SLCO1B3: variants seen among roughly 807,000 people sequenced by gnomAD.
SLCO1B3 encodes liver-specific organic anion transporter 2.
In SLCO1B3, 72 loss-of-function variants were observed where a neutral mutation model predicts 71.8. That is an observed-to-expected ratio of 1.00 (90% confidence interval 0.83 to 1.22). The LOEUF is 1.22. SLCO1B3 is among the 50% of genes most tolerant of loss of function. The probability of loss-of-function intolerance (pLI) is 0.00; values close to 1 mark genes in which losing one functional copy is unlikely to be tolerated. For missense variants in SLCO1B3, 911 were observed against 819.7 expected (o/e 1.11, Z -1.36); for synonymous variants, 298 against 278.4 (o/e 1.07, Z -0.70).
At chr12:20,908,740 C>A (rs1866306359) in intron 15 of SLCO1B3, among the ~76,000 whole-genome samples, 1 of 152,090 alleles carries the variant, frequency 6.6e-6, no homozygotes, top group Non-Finnish European at 1.5e-5. Context: ...TAGCACTGAA[C>A]AATAATTGAT....
chr12:20,857,685 G>C (rs1865169206), intron 4 of SLCO1B3, among the ~76,000 whole-genome samples: 1 of 151,750 alleles, frequency 6.6e-6, no homozygotes, highest in Non-Finnish European at 1.5e-5. Context: ...TATTGTTTAA[G>C]TATTTATTCT....
intron 13 of SLCO1B3, among the ~76,000 whole-genome samples, chr12:20,884,674 A>G (rs973741114): frequency 6.6e-6 from 1 of 151,986 alleles, no homozygotes; most frequent in Non-Finnish European, 1.5e-5. Context: ...TTAAAAATAT[A>G]CATGATAAGT....
At chr12:20,905,892 C>G (rs1294065575) in intron 15 of SLCO1B3, among the ~76,000 whole-genome samples, 1 of 152,186 alleles carries the variant, frequency 6.6e-6, no homozygotes, top group African/African-American at 2.4e-5. Context: ...GTGTCCCACT[C>G]CCAGTACCAA....
In SLCO1B3 at chr12:20,879,537, C is replaced by G. The variant is rs577433244; in HGVS notation, c.1237C>G (p.Leu413Val). Residue 413 changes from leucine (L) to valine (V), a missense_variant, in exon 11 of 16, where the codon CTT (leucine) becomes GTT (valine). Transcript: ENST00000381545. ...SLVGIAKFSF[L>V]TSMISFLFQL... The stretch of plus-strand genomic sequence containing the variant: ...AGTTGGAATTGCCAAATTTTCATTT[C>G]TTACTTCGATGATATCCTTCTTGTT... The G allele has an allele frequency of 6.2e-7, 1 of 1,611,992 alleles. No homozygotes were observed. Among genetic ancestry groups the G allele is most frequent in the South Asian group, 1.1e-5 (1 of 90,974 alleles).
chr12:20,835,864 A>G (rs746765405), intron 3 of SLCO1B3, among the ~76,000 whole-genome samples: 1 of 152,136 alleles, frequency 6.6e-6, no homozygotes, highest in Non-Finnish European at 1.5e-5. Flanking sequence ...TCCTGTAGCA[A>G]TGCCCCTCAG....
intron 8 of SLCO1B3, among the ~76,000 whole-genome samples, chr12:20,863,656 A>T (rs1051636068): frequency 2.6e-5 from 4 of 152,116 alleles, no homozygotes; most frequent in Non-Finnish European, 5.9e-5. Context: ...CAGCAAACAC[A>T]CTGAAGTCTC....
chr12:20,843,561 A>T (rs1030146015), intron 3 of SLCO1B3, among the ~76,000 whole-genome samples: 1 of 152,066 alleles, frequency 6.6e-6, no homozygotes, highest in Non-Finnish European at 1.5e-5. Context: ...TGGGTGGATC[A>T]CAAGATCAGG....
intron 15 of SLCO1B3, among the ~76,000 whole-genome samples, chr12:20,903,674 G>T (rs1357749896): frequency 6.6e-6 from 1 of 152,084 alleles, no homozygotes; most frequent in East Asian, 1.9e-4. Context: ...CAGAAAGGGA[G>T]AAATCCACCC....
intron 3 of SLCO1B3, among the ~76,000 whole-genome samples, chr12:20,824,303 C>T (rs1388874253): frequency 6.6e-6 from 1 of 152,160 alleles, no homozygotes; most frequent in African/African-American, 2.4e-5. Flanking sequence ...CAATTAACTC[C>T]ATGTTCTGCT....
chr12:20,855,010 T>C lies in SLCO1B3; in HGVS notation c.85-18T>C, dbSNP rs1468206794. On this transcript the variant is annotated intron_variant, in intron 3 of 15. Transcript: ENST00000381545. Reference sequence around the variant, plus strand: ...TCTTTGATTAACCAATTTTCATTTTTTCTTCTATTGTTTTTAGATGTTCTT... The same window carrying C: ...TCTTTGATTAACCAATTTTCATTTTCTCTTCTATTGTTTTTAGATGTTCTT... 1 of 1,603,918 alleles carries C rather than the reference T, an allele frequency of 6.2e-7. No individual in the cohort carries two copies. Among genetic ancestry groups the C allele is most frequent in the Admixed American group, 1.7e-5 (1 of 57,858 alleles).
Position 20,815,818 on chromosome 12 carries a change from T to G in SLCO1B3, c.80T>G (p.Phe27Cys), listed in dbSNP as rs377570761. 1.6e-4 allele frequency: 254 copies of G among 1,579,904 alleles called. No individual in the cohort carries two copies. The highest frequency in any genetic ancestry group is 2.0e-4 in the Non-Finnish European group (237 of 1,159,764). ...EKKKTRRCNG[F>C]KMFLAALSFS... is the part of the protein sequence containing the mutation. ...AAGAAAACAAGACGCTGCAATGGAT[T>G]CAAGGTAGAATGGGTTTTATATTTT... Residue 27 changes from phenylalanine to cysteine, a missense_variant, in exon 3 of 16, where the codon TTC becomes TGC. By Grantham distance (205) the Phe-to-Cys change is radical. Transcript: ENST00000381545.
At chr12:20,842,502 G>GT (rs33966009) in intron 3 of SLCO1B3, among the ~76,000 whole-genome samples, 1 of 151,816 alleles carries the variant, frequency 6.6e-6, no homozygotes, top group African/African-American at 2.4e-5. Context: ...ACAGCTACAA[G>GT]TTTTTTTTTA....
intron 3 of SLCO1B3, among the ~76,000 whole-genome samples, chr12:20,823,890 A>G (rs976371153): frequency 8.5e-5 from 13 of 152,186 alleles, no homozygotes; most frequent in African/African-American, 2.7e-4. Context: ...AGGGGCTTCT[A>G]TTGGCTCTGT....
At chr12:20,899,168 A>G (rs1866078370) in intron 14 of SLCO1B3, among the ~76,000 whole-genome samples, 1 of 152,214 alleles carries the variant, frequency 6.6e-6, no homozygotes, top group African/African-American at 2.4e-5. Context: ...TTCAAAAGTG[A>G]TGAGAAAAGA....
chr12:20,842,149 C>T (rs530046063), intron 3 of SLCO1B3, among the ~76,000 whole-genome samples: 4 of 152,248 alleles, frequency 2.6e-5, no homozygotes, highest in African/African-American at 9.6e-5. Context: ...CTGCCTTGGC[C>T]TCACAAAGTG....
At chr12:20,907,594 C>T (rs557799375) in intron 15 of SLCO1B3, among the ~76,000 whole-genome samples, 111 of 150,898 alleles carry the variant, frequency 7.4e-4, no homozygotes, top group African/African-American at 2.5e-3. Flanking sequence ...CTGCAACCTC[C>T]GACTCCTGGG....
chr12:20,843,224 C>A (rs887523329), intron 3 of SLCO1B3, among the ~76,000 whole-genome samples: 3 of 151,930 alleles, frequency 2.0e-5, no homozygotes, highest in African/African-American at 7.3e-5. Flanking sequence ...ATTTTCTTTC[C>A]TTTTCTATTT....
At chr12:20,812,846 A>T (rs771988482) in intron 1 of SLCO1B3, among the ~76,000 whole-genome samples, 1 of 148,478 alleles carries the variant, frequency 6.7e-6, no homozygotes, top group Non-Finnish European at 1.5e-5. Flanking sequence ...AGCTGAAGGA[A>T]GACTATCTGC....
chr12:20,873,786 G>A (rs1055975552), intron 8 of SLCO1B3, among the ~76,000 whole-genome samples: 27 of 152,076 alleles, frequency 1.8e-4, no homozygotes, highest in Admixed American at 1.1e-3. Flanking sequence ...ACAGGCCCCA[G>A]TGTGTATTGT....
Sources: allele counts gnomAD v4.1 joint callset (sites outside exome capture counted in the v4.1 genomes callset), GRCh38; gene constraint gnomAD v4.1.1; transcripts MANE v1.5; gene names NCBI Gene and HGNC (gene_info 2026-07-23, HGNC 2026-07-21).